The following SFMBT2 variants were observed in gnomAD, a reference collection of about 807,000 sequenced individuals.
SFMBT2 encodes Scm like with four mbt domains 2.
SFMBT2 carries 38 observed loss-of-function variants against 110.1 expected under a neutral mutation model. The observed-to-expected ratio is 0.35, with a 90% CI of 0.27 to 0.45. SFMBT2 has a LOEUF of 0.45. Among genes scored for constraint, SFMBT2 ranks in the 20% least tolerant of loss-of-function variants. The probability of loss-of-function intolerance (pLI) is 1.00; values close to 1 mark genes in which losing one functional copy is unlikely to be tolerated. For synonymous variants in SFMBT2, 425 were observed against 425.4 expected, an observed-to-expected ratio of 1.00 and a Z score of 0.01; for missense variants, 1,011 against 1,094.9, an observed-to-expected ratio of 0.92 and a Z score of 1.08.
intron 14 of SFMBT2, 111 bp downstream of exon 14, chr10:7,200,301 CAG>C: frequency 1.2e-6 from 1 of 828,820 alleles, no homozygotes; most frequent in South Asian, 3.6e-5. Context: ...TGGAGAAAAA[CAG>C]AATAGGCTCA....
intron 4 of SFMBT2, among the ~76,000 whole-genome samples, chr10:7,353,884 G>A (rs1295073165): frequency 7.2e-5 from 11 of 151,986 alleles, no homozygotes; most frequent in East Asian, 1.9e-4. Context: ...TCAGCAGTTC[G>A]AGACCAGCCT....
intron 7 of SFMBT2, among the ~76,000 whole-genome samples, chr10:7,276,312 T>C (rs1280755107): frequency 6.6e-6 from 1 of 152,210 alleles, no homozygotes; most frequent in Non-Finnish European, 1.5e-5. Flanking sequence ...TTTCCTTTTG[T>C]TTCTGTAGTA....
chr10:7,203,485 G>C (rs183860851), intron 12 of SFMBT2: 1 of 236,434 alleles, frequency 4.2e-6, no homozygotes, highest in East Asian at 1.8e-4. Flanking sequence ...CCTAAAGGAG[G>C]AGGAAACTTC....
chr10:7,196,704 A>G (rs186273713), intron 15 of SFMBT2, among the ~76,000 whole-genome samples: 80 of 152,386 alleles, frequency 5.2e-4, no homozygotes, highest in Admixed American at 1.6e-3. Flanking sequence ...CAGAATTTTA[A>G]GAAACATTCA....
At chr10:7,219,326 T>A (rs577970459) in intron 11 of SFMBT2, among the ~76,000 whole-genome samples, 35 of 152,368 alleles carry the variant, frequency 2.3e-4, no homozygotes, top group African/African-American at 6.5e-4. Flanking sequence ...TTTTTGGGAA[T>A]TTCCATTTAT....
chr10:7,314,309 A>T (rs1272321694), intron 4 of SFMBT2, among the ~76,000 whole-genome samples: 5 of 152,254 alleles, frequency 3.3e-5, no homozygotes, highest in Non-Finnish European at 1.5e-5. Context: ...AAAATGACTA[A>T]ATCTGCTAAC....
At chr10:7,297,533 G>A (rs1335744189) in intron 4 of SFMBT2, among the ~76,000 whole-genome samples, 3 of 152,086 alleles carry the variant, frequency 2.0e-5, no homozygotes, top group Non-Finnish European at 4.4e-5. Flanking sequence ...GAGGGAAAGG[G>A]CGAATGGGAG....
chr10:7,338,447 T>C (rs2131977910), intron 4 of SFMBT2, among the ~76,000 whole-genome samples: 1 of 152,338 alleles, frequency 6.6e-6, no homozygotes, highest in East Asian at 1.9e-4. Flanking sequence ...ATATTTTGTA[T>C]GTTCTATGTA....
chr10:7,222,197 T>G (rs1031048103), intron 10 of SFMBT2, among the ~76,000 whole-genome samples: 1 of 152,222 alleles, frequency 6.6e-6, no homozygotes, highest in Non-Finnish European at 1.5e-5. Context: ...GCTGCTTTCT[T>G]GCTGAGTAGT....
chr10:7,215,786 G>C (rs551919868), intron 11 of SFMBT2: 1 of 960,946 alleles, frequency 1.0e-6, no homozygotes, highest in East Asian at 1.1e-4. Context: ...GCTGTGTTTG[G>C]CTTGAGGGTC....
chr10:7,240,216 A>C (rs960371552), intron 9 of SFMBT2, among the ~76,000 whole-genome samples: 1 of 152,162 alleles, frequency 6.6e-6, no homozygotes. Context: ...TTATGTAACT[A>C]CAAAAATATA....
intron 10 of SFMBT2, among the ~76,000 whole-genome samples, chr10:7,227,392 C>A (rs1464966096): frequency 6.6e-6 from 1 of 152,206 alleles, no homozygotes; most frequent in Non-Finnish European, 1.5e-5. Flanking sequence ...CAGGCAGGAC[C>A]CACTTACTGG....
intron 1 of SFMBT2, among the ~76,000 whole-genome samples, chr10:7,398,572 G>A (rs995608175): frequency 2.0e-5 from 3 of 152,162 alleles, no homozygotes; most frequent in Non-Finnish European, 4.4e-5. Flanking sequence ...AGAAGACTGA[G>A]TTTGGTCAAA....
chr10:7,204,694 T>C, intron 12 of SFMBT2: 1 of 194,948 alleles, frequency 5.1e-6, no homozygotes, highest in Non-Finnish European at 9.3e-6. Context: ...ACCAACATGG[T>C]GAAACCCCAT....
chr10:7,253,649 G>C (rs183845390), intron 7 of SFMBT2, among the ~76,000 whole-genome samples: 2 of 152,300 alleles, frequency 1.3e-5, no homozygotes, highest in African/African-American at 4.8e-5. Flanking sequence ...CAGACATTCT[G>C]AGAGGTTGCA....
chr10:7,248,471 C>T, intron 8 of SFMBT2, 77 bp downstream of exon 8: 1 of 1,204,276 alleles, frequency 8.3e-7, no homozygotes. Context: ...CATATGTCAT[C>T]TGGTCGTCTT....
intron 8 of SFMBT2, 78 bp from the exon 9 acceptor site, chr10:7,243,783 G>A: frequency 2.8e-6 from 2 of 718,402 alleles, no homozygotes; most frequent in Non-Finnish European, 4.8e-6. Flanking sequence ...TAGTGGCAGA[G>A]CTTCCAAAGG....
chr10:7,208,527 A>T lies in SFMBT2; in HGVS notation c.1331-2599T>A, dbSNP rs113538376. 9.0e-4 allele frequency among the ~76,000 whole-genome samples: 136 copies of T among 150,846 alleles called. 1 individual carries two copies. Among genetic ancestry groups the T allele is most frequent in the African/African-American group, 3.1e-3 (128 of 41,442 alleles). On this transcript the variant is annotated intron_variant, in intron 11 of 20. Transcript: ENST00000397167. ...TGGCAAAACCTCATCTCTACTAAAA[A>T]TACAAAAAATTAGCTGGGCATGGTG...
intron 4 of SFMBT2, among the ~76,000 whole-genome samples, chr10:7,288,857 C>T (rs866810333): frequency 1.3e-5 from 2 of 149,396 alleles, no homozygotes; most frequent in East Asian, 2.0e-4. Flanking sequence ...GGTGAAACCC[C>T]CCCCCCCATC....
Sources: allele counts gnomAD v4.1 joint callset (sites outside exome capture counted in the v4.1 genomes callset), GRCh38; gene constraint gnomAD v4.1.1; transcripts MANE v1.5; gene names NCBI Gene and HGNC (gene_info 2026-07-23, HGNC 2026-07-21).